The following TENM2 variants were observed in gnomAD, a reference collection of about 807,000 sequenced individuals.
TENM2 encodes teneurin transmembrane protein 2, also known as teneurin-2.
A neutral mutation model predicts 245.2 loss-of-function variants in TENM2; 52 were observed. The ratio of observed to expected loss-of-function variants is 0.21; its 90% confidence interval spans 0.17 to 0.27. TENM2 has a LOEUF of 0.27. Ranked by LOEUF, TENM2 falls within the 10% of genes least tolerant of loss-of-function variation. TENM2 has a pLI of 1.00. For missense variants in TENM2, 3,046 were observed against 3,666.8 expected, an observed-to-expected ratio of 0.83 and a Z score of 4.37; for synonymous variants, 1,363 against 1,438.9, an observed-to-expected ratio of 0.95 and a Z score of 1.19.
intron 13 of TENM2, among the ~76,000 whole-genome samples, chr5:168,169,767 T>G (rs770155392): frequency 1.3e-5 from 2 of 152,234 alleles, no homozygotes; most frequent in South Asian, 4.1e-4. Context: ...GTAAATGCCT[T>G]GATTAATGTA....
intron 5 of TENM2, among the ~76,000 whole-genome samples, chr5:168,026,191 G>A (rs1317850718): frequency 6.6e-6 from 1 of 152,286 alleles, no homozygotes; most frequent in East Asian, 1.9e-4. Flanking sequence ...CCTTCCCTGA[G>A]GAGATTTGAC....
chr5:167,885,665 C>G (rs1456872356), intron 3 of TENM2, among the ~76,000 whole-genome samples: 2 of 152,154 alleles, frequency 1.3e-5, no homozygotes, highest in Non-Finnish European at 2.9e-5. Flanking sequence ...TCTCTCTAGG[C>G]TAAAATGGGT....
At chr5:167,985,737 G>A (rs867242017) in intron 4 of TENM2, among the ~76,000 whole-genome samples, 1 of 152,184 alleles carries the variant, frequency 6.6e-6, no homozygotes. Context: ...GAAAATAAGG[G>A]GATCCCCCTG....
At chr5:167,578,858 ACATATAAGCTGTTTT>A (rs1421615614) in intron 2 of TENM2, among the ~76,000 whole-genome samples, 2 of 152,216 alleles carry the variant, frequency 1.3e-5, no homozygotes, top group South Asian at 2.1e-4. Flanking sequence ...TTATATGTGA[ACATATAAGCTGTTTT>A]CTTTTCAACA....
chr5:168,098,829 A>T (rs1361352446), intron 9 of TENM2, among the ~76,000 whole-genome samples: 1 of 152,222 alleles, frequency 6.6e-6, no homozygotes, highest in African/African-American at 2.4e-5. Context: ...ACACAAGGGT[A>T]TATGTCTAAA....
intron 2 of TENM2, among the ~76,000 whole-genome samples, chr5:167,754,620 A>G (rs956629607): frequency 3.3e-5 from 5 of 152,168 alleles, no homozygotes; most frequent in African/African-American, 1.2e-4. Flanking sequence ...AATAATTTAA[A>G]AAAAAAAATT....
chr5:168,222,275 C>A (rs1350809662), intron 23 of TENM2, among the ~76,000 whole-genome samples: 1 of 152,230 alleles, frequency 6.6e-6, no homozygotes, highest in Non-Finnish European at 1.5e-5. Flanking sequence ...CTCTCATCCC[C>A]TGCAGGAGCA....
At chr5:168,042,830 G>A (rs1788310389) in intron 5 of TENM2, among the ~76,000 whole-genome samples, 1 of 152,152 alleles carries the variant, frequency 6.6e-6, no homozygotes, top group Admixed American at 6.5e-5. Flanking sequence ...ATTAGCCGGA[G>A]GGATACTCTC....
At chr5:167,348,596 TA>T (rs1241286572) in intron 1 of TENM2, among the ~76,000 whole-genome samples, 2 of 152,178 alleles carry the variant, frequency 1.3e-5, no homozygotes, top group African/African-American at 2.4e-5. Context: ...TCTACAGGAT[TA>T]AAAAACCTCA....
chr5:167,313,101 A>T (rs1305807004), intron 1 of TENM2, among the ~76,000 whole-genome samples: 1 of 151,748 alleles, frequency 6.6e-6, no homozygotes, highest in African/African-American at 2.4e-5. Context: ...CGGGGTTTCG[A>T]CAAGTTGGCC....
chr5:166,986,228 G>T, the TENM2 span, among the ~76,000 whole-genome samples: 1 of 152,158 alleles, frequency 6.6e-6, no homozygotes, highest in Admixed American at 6.6e-5. Flanking sequence ...AATTAAAATA[G>T]ATTTTGTGTT....
At chr5:167,269,357 A>G in the TENM2 span, among the ~76,000 whole-genome samples, 1,865 of 152,180 alleles carry the variant, frequency 0.012, 29 homozygotes, top group Admixed American at 0.019. Flanking sequence ...CTGGAGATTT[A>G]CTGGCAAGAG....
At chr5:167,797,562 T>C (rs931726585) in intron 2 of TENM2, among the ~76,000 whole-genome samples, 5 of 152,206 alleles carry the variant, frequency 3.3e-5, no homozygotes, top group African/African-American at 1.2e-4. Context: ...CTATTGTAAG[T>C]CATTGTATTT....
chr5:168,047,693 G>A (rs1324852994), intron 6 of TENM2, 144 bp downstream of exon 8: 1 of 1,023,168 alleles, frequency 9.8e-7, no homozygotes. Context: ...CCTTTCATAG[G>A]TGCCCCCATT....
chr5:167,946,629 G>GT (rs1779647365), intron 3 of TENM2, among the ~76,000 whole-genome samples: 1 of 152,188 alleles, frequency 6.6e-6, no homozygotes, highest in Admixed American at 6.5e-5. Context: ...CAGGGGACCT[G>GT]TTTCCTCCCT....
At chr5:167,002,057 G>T in the TENM2 span, among the ~76,000 whole-genome samples, 1 of 151,592 alleles carries the variant, frequency 6.6e-6, no homozygotes, top group African/African-American at 2.4e-5. Flanking sequence ...AAATGACAAG[G>T]GATATTTTTG....
chr5:167,796,876 T>A (rs1429623871), intron 2 of TENM2, among the ~76,000 whole-genome samples: 1 of 152,152 alleles, frequency 6.6e-6, no homozygotes, highest in African/African-American at 2.4e-5. Flanking sequence ...AAAGTCCTGA[T>A]GCAGCGTGAG....
At chr5:167,979,066 AAT>A (rs1316754243) in intron 4 of TENM2, among the ~76,000 whole-genome samples, 1 of 152,206 alleles carries the variant, frequency 6.6e-6, no homozygotes, top group African/African-American at 2.4e-5. Flanking sequence ...CTGAGTGTGT[AAT>A]ATGTTGACAT....
At chr5:168,168,060 G>A (rs1196343206) in intron 13 of TENM2, among the ~76,000 whole-genome samples, 1 of 152,082 alleles carries the variant, frequency 6.6e-6, no homozygotes, top group East Asian at 1.9e-4. Context: ...TGTGCTTATT[G>A]AACTTTAGTG....
Sources: gnomAD v4.1 joint callset for allele counts (sites outside exome capture counted in the v4.1 genomes callset) on GRCh38, gnomAD v4.1.1 for gene constraint, MANE v1.5 for transcripts, NCBI Gene and HGNC (gene_info 2026-07-23, HGNC 2026-07-21) for gene names.